BABAM2: variants seen among roughly 807,000 people sequenced by gnomAD.
BABAM2 encodes the protein BRISC and BRCA1-A complex member 2.
A neutral mutation model predicts 54.7 loss-of-function variants in BABAM2; 31 were observed. That is an observed-to-expected ratio of 0.57 (90% CI 0.43 to 0.77). BABAM2 has a LOEUF of 0.77. BABAM2 is among the 30% of genes least tolerant of loss of function. The pLI is 0.00. For synonymous variants in BABAM2, 167 were observed against 162.9 expected (o/e 1.03, Z -0.19); for missense variants, 364 against 455.8 (o/e 0.80, Z 1.83).
intron 7 of BABAM2, among the ~76,000 whole-genome samples, chr2:28,205,406 G>A: frequency 6.7e-6 from 1 of 149,558 alleles, no homozygotes; most frequent in Non-Finnish European, 1.5e-5. Flanking sequence ...GGGAGGCTGA[G>A]GCAGAAGGAT....
chr2:27,985,047 G>A (rs1672299851), intron 3 of BABAM2, among the ~76,000 whole-genome samples: 1 of 140,592 alleles, frequency 7.1e-6, no homozygotes, highest in East Asian at 2.2e-4. Context: ...TGGCTTAGTA[G>A]TATTCCATGA....
chr2:28,216,182 T>G (rs1487586627), intron 7 of BABAM2, among the ~76,000 whole-genome samples: 1 of 152,242 alleles, frequency 6.6e-6, no homozygotes, highest in East Asian at 1.9e-4. Flanking sequence ...AATTGCCATA[T>G]TTTAAAAGAA....
intron 3 of BABAM2, among the ~76,000 whole-genome samples, chr2:27,962,991 A>G (rs17006398): frequency 1.3e-5 from 2 of 152,220 alleles, no homozygotes; most frequent in Admixed American, 1.3e-4. Context: ...GTTTTATGGT[A>G]CTGAAAGGAG....
intron 2 of BABAM2, among the ~76,000 whole-genome samples, chr2:27,929,609 A>G (rs1218222775): frequency 6.6e-6 from 1 of 152,214 alleles, no homozygotes; most frequent in Non-Finnish European, 1.5e-5. Context: ...TGTCGTTAGA[A>G]CACATGTAAG....
chr2:28,000,388 G>A (rs1261072884), intron 4 of BABAM2, among the ~76,000 whole-genome samples: 1 of 151,936 alleles, frequency 6.6e-6, no homozygotes, highest in Admixed American at 6.6e-5. Context: ...TTCATGTTTA[G>A]GCTATGGTTA....
chr2:28,298,674 T>C (rs1687885832), intron 11 of BABAM2, among the ~76,000 whole-genome samples, 183 bp downstream of exon 11: 1 of 152,210 alleles, frequency 6.6e-6, no homozygotes, highest in Non-Finnish European at 1.5e-5. Flanking sequence ...AATGCTACAG[T>C]GGCAGAGTGA....
chr2:28,202,865 T>A (rs940268777), intron 7 of BABAM2, among the ~76,000 whole-genome samples: 2 of 152,170 alleles, frequency 1.3e-5, no homozygotes, highest in Non-Finnish European at 2.9e-5. Flanking sequence ...CTTGAGTGCT[T>A]CAATCACGGG....
At chr2:27,942,423 C>G (rs185826749) in intron 3 of BABAM2, among the ~76,000 whole-genome samples, 2 of 151,996 alleles carry the variant, frequency 1.3e-5, no homozygotes, top group Non-Finnish European at 2.9e-5. Context: ...CACAGTGGCG[C>G]GATCACAACT....
rs2148256289 is a variant in BABAM2 at position 27,894,432 on chromosome 2, T to G, written c.-24-101T>G. 1.9e-5 allele frequency: 22 copies of G among 1,129,944 alleles called. No homozygotes were observed. In the South Asian group the frequency reaches 3.3e-4, roughly 17 times the overall value. 70.0% of individuals were successfully genotyped at this position (1,129,944 alleles called of 1,614,324 possible). A position where few individuals can be genotyped will look rare whatever the true frequency, so the allele number is the denominator to read the frequency against. Reference sequence around the variant, plus strand: ...TAGAGATGGGAAATGAATTATTTATTCATGCAAGAGGAACTGCTGTATGCT... The same window carrying G: ...TAGAGATGGGAAATGAATTATTTATGCATGCAAGAGGAACTGCTGTATGCT... On this transcript the variant is annotated intron_variant, in intron 1 of 11. Transcript: ENST00000379624.
chr2:28,238,396 G>A (rs2148060862), intron 8 of BABAM2, among the ~76,000 whole-genome samples: 1 of 152,274 alleles, frequency 6.6e-6, no homozygotes, highest in East Asian at 1.9e-4. Flanking sequence ...TTGCCAGAGT[G>A]CAATTTCTTT....
chr2:28,038,471 C>T (rs1395913089), intron 5 of BABAM2, among the ~76,000 whole-genome samples: 3 of 152,164 alleles, frequency 2.0e-5, no homozygotes, highest in Non-Finnish European at 4.4e-5. Context: ...TTCTATTGAT[C>T]TTGCCACCCA....
chr2:28,151,531 C>T (rs1672033233), intron 7 of BABAM2, among the ~76,000 whole-genome samples: 1 of 151,966 alleles, frequency 6.6e-6, no homozygotes, highest in South Asian at 2.1e-4. Flanking sequence ...GCCGAGATCG[C>T]GCCATTGCAC....
At chr2:28,257,995 G>C (rs1045275277) in intron 10 of BABAM2, among the ~76,000 whole-genome samples, 3 of 152,154 alleles carry the variant, frequency 2.0e-5, no homozygotes, top group Non-Finnish European at 4.4e-5. Flanking sequence ...TAGCCAACAT[G>C]GTGAAACCCC....
At chr2:28,249,079 G>GTTT in intron 10 of BABAM2, among the ~76,000 whole-genome samples, 1 of 146,180 alleles carries the variant, frequency 6.8e-6, no homozygotes, top group East Asian at 2.0e-4. Context: ...TTGTTTGTTT[G>GTTT]TTTGCTTGTT....
intron 6 of BABAM2, among the ~76,000 whole-genome samples, chr2:28,063,857 G>T (rs1679101263): frequency 6.6e-6 from 1 of 152,136 alleles, no homozygotes; most frequent in Non-Finnish European, 1.5e-5. Flanking sequence ...AGCCAGTAAG[G>T]CATTATTATC....
intron 3 of BABAM2, among the ~76,000 whole-genome samples, chr2:27,954,410 C>T (rs1669945373): frequency 6.6e-6 from 1 of 152,222 alleles, no homozygotes; most frequent in Non-Finnish European, 1.5e-5. Flanking sequence ...CCTTGGAGGC[C>T]TCAGCAACTC....
intron 9 of BABAM2, 98 bp from the exon 10 acceptor site, chr2:28,244,682 T>C: frequency 8.7e-7 from 1 of 1,147,730 alleles, no homozygotes; most frequent in Admixed American, 1.9e-5. Context: ...TCAATAACCC[T>C]GACTTCACGA....
chr2:27,908,757 G>A (rs1666369629), intron 2 of BABAM2, among the ~76,000 whole-genome samples: 1 of 152,142 alleles, frequency 6.6e-6, no homozygotes, highest in Admixed American at 6.5e-5. Context: ...GCCTGCAGCT[G>A]CATCTATGTT....
Position 28,047,031 on chromosome 2 carries a change from A to G in BABAM2, c.570+1232A>G, listed in dbSNP as rs527532282. On this transcript the variant is annotated intron_variant, in intron 6 of 11. Coordinates refer to ENST00000379624, the MANE Select transcript of BABAM2 (RefSeq NM_199191.3). ...AGGTGTGAGCCACTGTTCCTGGTCT[A>G]TACAGTCCATCTAAAGAGGAAAATT... Among the ~76,000 whole-genome samples the G allele has an allele frequency of 8.5e-5, 13 of 152,310 alleles. 1 individual carries two copies. Among genetic ancestry groups the G allele is most frequent in the Admixed American group, 7.2e-4 (11 of 15,296 alleles).
Sources: gnomAD v4.1 joint callset for allele counts (sites outside exome capture counted in the v4.1 genomes callset) on GRCh38, gnomAD v4.1.1 for gene constraint, MANE v1.5 for transcripts, NCBI Gene and HGNC (gene_info 2026-07-23, HGNC 2026-07-21) for gene names.